Variants in CYP3A4 observed in about 807,000 individuals in gnomAD.
CYP3A4 encodes cytochrome P450 family 3 subfamily A member 4, also known as cytochrome P450 3A4.
Under a neutral mutation model 54.9 loss-of-function variants are expected in CYP3A4, and 41 were observed. That is an observed-to-expected ratio of 0.75 (90% CI 0.58 to 0.97). The LOEUF (loss-of-function observed/expected upper bound fraction) is 0.97. CYP3A4 is among the 50% of genes least tolerant of loss of function. The pLI is 0.00. For synonymous variants in CYP3A4, 179 were observed against 205.2 expected (o/e 0.87, Z 1.09); for missense variants, 510 against 597.3 (o/e 0.85, Z 1.52).
chr7:99,763,071 G>A (rs1227404048), intron 10 of CYP3A4, among the ~76,000 whole-genome samples: 1 of 152,172 alleles, frequency 6.6e-6, no homozygotes, highest in Non-Finnish European at 1.5e-5. Flanking sequence ...TCCTAGCTTG[G>A]CTTCTTCACC....
At chr7:99,766,538 TG>T in intron 8 of CYP3A4, 95 bp from the exon 9 acceptor site, 1 of 1,495,900 alleles carries the variant, frequency 6.7e-7, no homozygotes, top group Non-Finnish European at 9.3e-7. Context: ...TCTGAGAATA[TG>T]GCTCCTTGAA....
At chr7:99,763,771 TAAAAA>T in intron 10 of CYP3A4, 79 bp downstream of exon 10, 1 of 1,512,434 alleles carries the variant, frequency 6.6e-7, no homozygotes, top group African/African-American at 1.4e-5. Flanking sequence ...ATGCTTTTTA[TAAAAA>T]TTCTCCTGGG....
At position 99,768,500 on chromosome 7, in the gene CYP3A4, A is replaced by T. The variant is rs749305656; in HGVS notation, c.524T>A (p.Val175Asp). Residue 175 changes from valine (V) to aspartate (D), a missense_variant and splice_region_variant, in exon 7 of 13, where the codon GTC (valine) becomes GAC (aspartate). Transcript: ENST00000651514. ...ETGKPVTLKD[V>D]FGAYSMDVIT... ...CACATCCATGCTGTAGGCCCCAAAG[A>T]CGCTGAGTGGAGAAAGATGTGGAAA... is the stretch of plus-strand genomic sequence containing the variant. 3 of 1,613,824 alleles carry T rather than the reference A, an allele frequency of 1.9e-6. No individual in the cohort carries two copies. The highest frequency in any genetic ancestry group is 2.5e-6 in the Non-Finnish European group (3 of 1,179,904).
At chr7:99,778,151 A>T in intron 2 of CYP3A4, 71 bp from the exon 3 acceptor site, 1 of 1,255,698 alleles carries the variant, frequency 8.0e-7, no homozygotes, top group Non-Finnish European at 1.1e-6. Context: ...AATTGGGATG[A>T]AAACAGTCGA....
In CYP3A4 at chr7:99,760,843, G is replaced by A. The variant is rs2151553348; in HGVS notation, c.1392C>T (p.Ser464=). 1 of 1,614,002 alleles carries A rather than the reference G, an allele frequency of 6.2e-7. No individual in the cohort carries two copies. Among genetic ancestry groups the A allele is most frequent in the African/African-American group, 1.3e-5 (1 of 75,016 alleles). Residue 464 remains serine, a synonymous_variant, in exon 12 of 13, where the codon TCC becomes TCT. Coordinates refer to ENST00000651514, the MANE Select transcript of CYP3A4 (RefSeq NM_017460.6). ...LALIRVLQNF[S]FKPCKETQIP... ...CCTGTGTTTCTTTACAAGGTTTGAA[G>A]GAGAAGTTCTGAAGGACTCTGATTA...
intron 10 of CYP3A4, 37 bp downstream of exon 10, chr7:99,763,818 C>G: frequency 6.2e-7 from 1 of 1,612,552 alleles, no homozygotes; most frequent in Non-Finnish European, 8.5e-7. Flanking sequence ...GCTAAGGTTT[C>G]ACCTCCTCCC....
chr7:99,764,575 G>A (rs1815428722), intron 9 of CYP3A4, among the ~76,000 whole-genome samples: 2 of 152,048 alleles, frequency 1.3e-5, no homozygotes, highest in Admixed American at 1.3e-4. Flanking sequence ...GTGGTCCATG[G>A]GTCAGAAGCA....
In CYP3A4 at chr7:99,763,914, T is replaced by A; in HGVS notation, c.967A>T (p.Thr323Ser). Residue 323 changes from threonine to serine, a missense_variant, in exon 10 of 13, where the codon ACT (threonine) becomes TCT (serine). Around this residue, in one of 2 missense-constraint regions of CYP3A4, gnomAD observed 238 missense variants for 322.5 expected, o/e 0.74. Transcript: ENST00000651514. ...AGTTTCTGCTGGACATCAGGGTGAGTGGCCAGTTCATACATAATGAAGGAG... is the reference window on the plus strand; with the variant it reads ...AGTTTCTGCTGGACATCAGGGTGAGAGGCCAGTTCATACATAATGAAGGAG... ...VLSFIMYELATHPDVQQKLQE... is the reference protein window; with the variant it reads ...VLSFIMYELASHPDVQQKLQE... 2 of 1,613,910 alleles carry A rather than the reference T, an allele frequency of 1.2e-6. No individual in the cohort carries two copies. The highest frequency in any genetic ancestry group is 8.5e-7 in the Non-Finnish European group (1 of 1,179,944).
chr7:99,777,942 G>C (rs1388703440), intron 3 of CYP3A4, 86 bp downstream of exon 3: 10 of 1,026,094 alleles, frequency 9.7e-6, no homozygotes, highest in Non-Finnish European at 1.4e-5. Flanking sequence ...ATCCCAAGAG[G>C]CTTTGGGCTG....
At chr7:99,762,538 C>G (rs2740580) in intron 10 of CYP3A4, among the ~76,000 whole-genome samples, 151,057 of 151,980 alleles carry the variant, frequency 0.99, 75,073 homozygotes, top group Non-Finnish European at 1. Flanking sequence ...GTATATATGT[C>G]TATATATATA....
intron 9 of CYP3A4, 61 bp downstream of exon 9, chr7:99,766,310 CACATTT>C: frequency 6.4e-7 from 1 of 1,558,956 alleles, no homozygotes; most frequent in Non-Finnish European, 8.8e-7. Context: ...ATACTTCCTG[CACATTT>C]TCAGAACAAG....
intron 1 of CYP3A4, among the ~76,000 whole-genome samples, chr7:99,783,199 A>G (rs538832739): frequency 3.5e-4 from 53 of 152,316 alleles, no homozygotes; most frequent in African/African-American, 1.1e-3. Context: ...AAATTGAGGT[A>G]GAAGTGAAAT....
chr7:99,764,755 T>C (rs1203487934), intron 9 of CYP3A4, among the ~76,000 whole-genome samples: 2 of 152,214 alleles, frequency 1.3e-5, no homozygotes, highest in Non-Finnish European at 2.9e-5. Flanking sequence ...GTTCTCAGAA[T>C]TGACTATCTC....
intron 3 of CYP3A4, among the ~76,000 whole-genome samples, chr7:99,776,774 T>C (rs1341760499): frequency 6.6e-6 from 1 of 152,138 alleles, no homozygotes; most frequent in Non-Finnish European, 1.5e-5. Context: ...CAAACCACCA[T>C]GGCACGTGTA....
Position 99,758,247 on chromosome 7 carries a change from C to T in CYP3A4, c.1417-19G>A, listed in dbSNP as rs34932363. The T allele has an allele frequency of 2.2e-4, 351 of 1,610,592 alleles. No homozygotes were observed. The African/African-American group carries it at 4.1e-3, about 19-fold the overall frequency. On this transcript the variant is annotated intron_variant, in intron 12 of 12. Coordinates refer to ENST00000651514, the MANE Select transcript of CYP3A4 (RefSeq NM_017460.6). ...GGGGGATCTGCAACAGTTAAACAAGCATATTGAGAAGCATTAAATAAACAA... is the reference window on the plus strand; with the variant it reads ...GGGGGATCTGCAACAGTTAAACAAGTATATTGAGAAGCATTAAATAAACAA...
intron 9 of CYP3A4, 78 bp downstream of exon 9, chr7:99,766,299 A>C: frequency 6.6e-7 from 1 of 1,522,408 alleles, no homozygotes; most frequent in South Asian, 1.1e-5. Context: ...ATCATCCTGG[A>C]ATACTTCCTG....
intron 2 of CYP3A4, among the ~76,000 whole-genome samples, chr7:99,778,299 A>G (rs1815826495): frequency 6.6e-6 from 1 of 152,210 alleles, no homozygotes; most frequent in South Asian, 2.1e-4. Context: ...TGTTGTGGAT[A>G]CTGAATGACT....
intron 3 of CYP3A4, among the ~76,000 whole-genome samples, chr7:99,776,587 C>T (rs1304426179): frequency 6.6e-6 from 1 of 152,090 alleles, no homozygotes; most frequent in African/African-American, 2.4e-5. Context: ...CAAACTATCA[C>T]AAGATCAGAA....
intron 7 of CYP3A4, 118 bp from the exon 8 acceptor site, chr7:99,767,376 A>C: frequency 3.3e-6 from 3 of 895,700 alleles, no homozygotes. Flanking sequence ...CAAGGTTCTC[A>C]ACTGGAAGCC....
Sources: gnomAD v4.1 joint callset for allele counts (sites outside exome capture counted in the v4.1 genomes callset) on GRCh38, gnomAD v4.1.1 for gene constraint, gnomAD v4.1.1 regional missense constraint, MANE v1.5 for transcripts, NCBI Gene and HGNC (gene_info 2026-07-23, HGNC 2026-07-21) for gene names.